Variants in ZDHHC21 observed in about 807,000 individuals in gnomAD.
ZDHHC21 encodes the protein palmitoyltransferase ZDHHC21.
Under a neutral mutation model 34.6 loss-of-function variants are expected in ZDHHC21, and 15 were observed. The ratio of observed to expected loss-of-function variants is 0.43; its 90% CI spans 0.29 to 0.67. The LOEUF (loss-of-function observed/expected upper bound fraction) is 0.67. Ranked by LOEUF, ZDHHC21 falls within the 30% of genes least tolerant of loss-of-function variation. ZDHHC21 has a pLI of 0.14. For missense variants in ZDHHC21, 344 were observed against 327.7 expected (o/e 1.05, Z -0.38); for synonymous variants, 142 against 101.8 (o/e 1.40, Z -2.38).
intron 2 of ZDHHC21, among the ~76,000 whole-genome samples, chr9:14,681,190 T>C (rs1837308689): frequency 1.3e-5 from 2 of 152,196 alleles, no homozygotes; most frequent in Non-Finnish European, 2.9e-5. Context: ...TTACCCTTAC[T>C]ACATATGACA....
At chr9:14,626,999 A>G (rs1439115560) in intron 8 of ZDHHC21, among the ~76,000 whole-genome samples, 2 of 152,050 alleles carry the variant, frequency 1.3e-5, no homozygotes, top group African/African-American at 4.8e-5. Context: ...AGCTGGGGTC[A>G]GCATAATTAG....
intron 2 of ZDHHC21, among the ~76,000 whole-genome samples, chr9:14,681,302 C>A (rs1417311238): frequency 6.6e-6 from 1 of 152,080 alleles, no homozygotes; most frequent in Non-Finnish European, 1.5e-5. Context: ...CAGGTGCGAT[C>A]CTAGCACACT....
chr9:14,621,868 C>T (rs1348460743), intron 8 of ZDHHC21, among the ~76,000 whole-genome samples: 1 of 151,956 alleles, frequency 6.6e-6, no homozygotes, highest in Non-Finnish European at 1.5e-5. Flanking sequence ...GTTAAATATA[C>T]TTTTGGAATT....
chr9:14,591,122 T>C, the ZDHHC21 span, among the ~76,000 whole-genome samples: 2 of 151,836 alleles, frequency 1.3e-5, no homozygotes. Context: ...AAACCAATAG[T>C]GGGAATAAAA....
intron 2 of ZDHHC21, among the ~76,000 whole-genome samples, chr9:14,689,535 G>T (rs966846005): frequency 2.6e-5 from 4 of 152,166 alleles, no homozygotes; most frequent in African/African-American, 9.7e-5. Flanking sequence ...AGCATAAGCT[G>T]TTGCTCTTCT....
At chr9:14,629,050 G>C (rs558960621) in intron 8 of ZDHHC21, among the ~76,000 whole-genome samples, 11 of 152,084 alleles carry the variant, frequency 7.2e-5, no homozygotes, top group African/African-American at 2.7e-4. Flanking sequence ...AAAAGTACTC[G>C]TATTCAAGAG....
intron 1 of ZDHHC21, 108 bp from the exon 2 acceptor site, chr9:14,690,493 A>G (rs978188619): frequency 2.6e-5 from 10 of 385,922 alleles, no homozygotes; most frequent in African/African-American, 8.5e-5. Flanking sequence ...TAAAATATCA[A>G]TTTTACCCAA....
At chr9:14,619,958 A>G (rs1215470761) in intron 8 of ZDHHC21, among the ~76,000 whole-genome samples, 6 of 152,002 alleles carry the variant, frequency 3.9e-5, no homozygotes, top group African/African-American at 1.4e-4. Flanking sequence ...ATAACCTTTT[A>G]TTACACTTGC....
intron 8 of ZDHHC21, among the ~76,000 whole-genome samples, chr9:14,630,266 C>T (rs1827098430): frequency 6.6e-6 from 1 of 152,182 alleles, no homozygotes; most frequent in South Asian, 2.1e-4. Flanking sequence ...TCAATAACGT[C>T]CACAGTATCT....
intron 8 of ZDHHC21, among the ~76,000 whole-genome samples, chr9:14,631,529 C>T (rs1827345854): frequency 1.3e-5 from 2 of 152,174 alleles, no homozygotes; most frequent in African/African-American, 4.8e-5. Flanking sequence ...CCTTCAAAAA[C>T]TTTTCCTTTG....
chr9:14,633,660 T>C (rs1827768721), intron 8 of ZDHHC21, among the ~76,000 whole-genome samples: 1 of 152,084 alleles, frequency 6.6e-6, no homozygotes, highest in Non-Finnish European at 1.5e-5. Context: ...AGTTGGCTGC[T>C]ACCACCAAGG....
the ZDHHC21 span, chr9:14,594,183 G>A: frequency 1.3e-5 from 2 of 152,140 alleles, no homozygotes; most frequent in South Asian, 4.1e-4. Flanking sequence ...CCTGGTCACG[G>A]TGCAATGGGC....
chr9:14,633,320 G>C (rs1023855812), intron 8 of ZDHHC21, among the ~76,000 whole-genome samples: 1 of 152,112 alleles, frequency 6.6e-6, no homozygotes, highest in Non-Finnish European at 1.5e-5. Context: ...ACATGGAGAG[G>C]CTCCCCAGTG....
chr9:14,596,943 C>T, the ZDHHC21 span, among the ~76,000 whole-genome samples: 1 of 152,080 alleles, frequency 6.6e-6, no homozygotes, highest in African/African-American at 2.4e-5. Context: ...AAGCAGCCAG[C>T]ATGGTTGGGA....
chr9:14,676,963 T>C (rs1186595804), intron 3 of ZDHHC21, among the ~76,000 whole-genome samples: 6 of 152,018 alleles, frequency 3.9e-5, no homozygotes, highest in African/African-American at 1.4e-4. Context: ...TCACTAAGTA[T>C]ATATGAGAGT....
At chr9:14,606,279 G>A (rs558693692), downstream of ZDHHC21, among the ~76,000 whole-genome samples, 1 of 152,140 alleles carries the variant, frequency 6.6e-6, no homozygotes, top group African/African-American at 2.4e-5. Context: ...GGGACTACAG[G>A]TTTGTGACTT....
chr9:14,650,299 A>G (rs1831005123), intron 7 of ZDHHC21, among the ~76,000 whole-genome samples: 1 of 152,012 alleles, frequency 6.6e-6, no homozygotes, highest in Non-Finnish European at 1.5e-5. Context: ...TATCTCTAGT[A>G]GCATCTCAGG....
At chr9:14,647,602 T>C (rs1830484265) in intron 7 of ZDHHC21, among the ~76,000 whole-genome samples, 1 of 152,126 alleles carries the variant, frequency 6.6e-6, no homozygotes. Flanking sequence ...ACCATGTCAT[T>C]GGCTTTCCAG....
In ZDHHC21 at chr9:14,693,349, C is replaced by G; in HGVS notation, c.-345G>C. On this transcript the variant is annotated 5_prime_UTR_variant, in exon 1 of 10. Coordinates refer to ENST00000380916, the MANE Select transcript of ZDHHC21 (RefSeq NM_178566.6). ...CCGCCGCCCAGGCCGGGCCGCTCTC[C>G]CCTTCCGCTTCCGGGAGCCTGAGGG... is the stretch of plus-strand genomic sequence containing the variant. The G allele has an allele frequency of 2.4e-6, 1 of 409,128 alleles. No individual in the cohort carries two copies. The highest frequency in any genetic ancestry group is 4.8e-6 in the Non-Finnish European group (1 of 208,014). 25.3% of individuals were successfully genotyped at this position (409,128 alleles called of 1,614,324 possible).
Sources: gnomAD v4.1 joint callset for allele counts (sites outside exome capture counted in the v4.1 genomes callset) on GRCh38, gnomAD v4.1.1 for gene constraint, MANE v1.5 for transcripts, NCBI Gene and HGNC (gene_info 2026-07-23, HGNC 2026-07-21) for gene names.